TMIGD3: variants seen among roughly 807,000 people sequenced by gnomAD.
TMIGD3 encodes transmembrane and immunoglobulin domain containing 3.
TMIGD3 carries 21 observed loss-of-function variants against 28.1 expected under a neutral mutation model. That is an observed-to-expected ratio of 0.75 (90% CI 0.53 to 1.08). The LOEUF (loss-of-function observed/expected upper bound fraction) is 1.08, where lower values mean the gene tolerates loss of function less well. Among genes scored for constraint, TMIGD3 ranks in the 50% least tolerant of loss-of-function variants. The probability of loss-of-function intolerance (pLI) is 0.00; values close to 1 mark genes in which losing one functional copy is unlikely to be tolerated. For missense variants in TMIGD3, 416 were observed against 435.6 expected (o/e 0.96, Z 0.40); for synonymous variants, 151 against 162.1 (o/e 0.93, Z 0.52).
intron 1 of TMIGD3, among the ~76,000 whole-genome samples, chr1:111,529,822 C>T (rs1428927387): frequency 6.6e-6 from 1 of 152,096 alleles, no homozygotes; most frequent in Non-Finnish European, 1.5e-5. Context: ...CCCACCTTTC[C>T]CCCCTTTCTA....
At chr1:111,499,581 T>G (rs1005427736) in intron 1 of TMIGD3, 11 of 1,027,648 alleles carry the variant, frequency 1.1e-5, no homozygotes, top group Non-Finnish European at 1.3e-5. Flanking sequence ...GGTATGGAAA[T>G]GAGTCACCAC....
At chr1:111,527,182 T>C (rs930696817) in intron 1 of TMIGD3, among the ~76,000 whole-genome samples, 2 of 151,980 alleles carry the variant, frequency 1.3e-5, no homozygotes, top group African/African-American at 4.8e-5. Context: ...AGATAATTTT[T>C]TGTATTTTTA....
At chr1:111,548,312 C>T (rs1657115257) in intron 1 of TMIGD3, among the ~76,000 whole-genome samples, 1 of 152,192 alleles carries the variant, frequency 6.6e-6, no homozygotes, top group Non-Finnish European at 1.5e-5. Flanking sequence ...TGAGCCACTG[C>T]ACCTGGCATG....
intron 1 of TMIGD3, among the ~76,000 whole-genome samples, chr1:111,509,082 GA>G (rs1655606878): frequency 6.6e-6 from 1 of 152,200 alleles, no homozygotes; most frequent in African/African-American, 2.4e-5. Flanking sequence ...GCGACAGAGC[GA>G]GACTCCGTCT....
chr1:111,541,545 G>A (rs1656823519), intron 1 of TMIGD3, among the ~76,000 whole-genome samples: 1 of 152,178 alleles, frequency 6.6e-6, no homozygotes, highest in Non-Finnish European at 1.5e-5. Flanking sequence ...CGTCCAAGTG[G>A]TGACGCTTGG....
At chr1:111,524,786 C>T (rs1457646209) in intron 1 of TMIGD3, among the ~76,000 whole-genome samples, 2 of 151,900 alleles carry the variant, frequency 1.3e-5, no homozygotes, top group Non-Finnish European at 2.9e-5. Context: ...TACTCTACTA[C>T]CTTTTGTATT....
At chr1:111,543,244 G>A (rs1249882569) in intron 1 of TMIGD3, among the ~76,000 whole-genome samples, 1 of 151,944 alleles carries the variant, frequency 6.6e-6, no homozygotes, top group Non-Finnish European at 1.5e-5. Flanking sequence ...TGTGAACTCT[G>A]GTGTGTATGC....
At chr1:111,560,087 A>G (rs1360461262) in intron 1 of TMIGD3, among the ~76,000 whole-genome samples, 1 of 152,188 alleles carries the variant, frequency 6.6e-6, no homozygotes, top group African/African-American at 2.4e-5. Flanking sequence ...GTGTTAGGTA[A>G]TAGACTGAGC....
chr1:111,539,307 T>C (rs1656740629), intron 1 of TMIGD3, among the ~76,000 whole-genome samples: 1 of 152,140 alleles, frequency 6.6e-6, no homozygotes, highest in Non-Finnish European at 1.5e-5. Flanking sequence ...TTTCTTTCTT[T>C]CTTTTCTTTG....
At chr1:111,492,553 C>T (rs936530954) in intron 1 of TMIGD3, among the ~76,000 whole-genome samples, 4 of 151,952 alleles carry the variant, frequency 2.6e-5, no homozygotes, top group African/African-American at 9.7e-5. Flanking sequence ...CGGTGGCTCA[C>T]GCCTGTAATC....
At chr1:111,543,459 T>C (rs924295301) in intron 1 of TMIGD3, among the ~76,000 whole-genome samples, 5 of 152,164 alleles carry the variant, frequency 3.3e-5, no homozygotes, top group African/African-American at 7.2e-5. Context: ...AGAAACATAA[T>C]TGGGTCATAT....
chr1:111,490,900 T>C (rs1279081414), intron 1 of TMIGD3, 138 bp from the exon 2 acceptor site: 5 of 636,702 alleles, frequency 7.9e-6, no homozygotes, highest in African/African-American at 1.8e-5. Context: ...CCATACCACA[T>C]GCTCTTCATA....
At chr1:111,538,397 A>G (rs1656712485) in intron 1 of TMIGD3, among the ~76,000 whole-genome samples, 1 of 152,210 alleles carries the variant, frequency 6.6e-6, no homozygotes, top group South Asian at 2.1e-4. Flanking sequence ...CACTGTTTAG[A>G]AACACTACAC....
intron 1 of TMIGD3, among the ~76,000 whole-genome samples, chr1:111,525,988 A>G (rs867121069): frequency 1.1e-3 from 164 of 152,336 alleles, no homozygotes; most frequent in African/African-American, 3.8e-3. Flanking sequence ...TATTGATATC[A>G]TTGGATTTAA....
At chr1:111,542,422 A>G in intron 1 of TMIGD3, 1 of 234,768 alleles carries the variant, frequency 4.3e-6, no homozygotes, top group Non-Finnish European at 8.8e-6. Flanking sequence ...TATTTGGTGA[A>G]AAACTGGGCT....
At chr1:111,489,668 T>C in intron 2 of TMIGD3, 1 of 1,079,886 alleles carries the variant, frequency 9.3e-7, no homozygotes, top group Non-Finnish European at 1.2e-6. Flanking sequence ...AGGCTTACCG[T>C]TAGGAGGCCC....
intron 2 of TMIGD3, chr1:111,490,381 T>C (rs1017128054): frequency 2.3e-6 from 1 of 433,224 alleles, no homozygotes; most frequent in African/African-American, 2.0e-5. Flanking sequence ...TAATCTACTC[T>C]GTATCATTCT....
At chr1:111,511,595 C>T (rs1215214075) in intron 1 of TMIGD3, among the ~76,000 whole-genome samples, 1 of 152,104 alleles carries the variant, frequency 6.6e-6, no homozygotes, top group Non-Finnish European at 1.5e-5. Flanking sequence ...ATTTACATTA[C>T]AGTTGCTATT....
intron 1 of TMIGD3, among the ~76,000 whole-genome samples, chr1:111,551,355 C>G (rs367610469): frequency 6.6e-6 from 1 of 152,280 alleles, no homozygotes; most frequent in Non-Finnish European, 1.5e-5. Context: ...TAAATAGACA[C>G]TTTTCTAGGG....
Sources: gnomAD v4.1 joint callset for allele counts (sites outside exome capture counted in the v4.1 genomes callset) on GRCh38, gnomAD v4.1.1 for gene constraint, MANE v1.5 for transcripts, NCBI Gene and HGNC (gene_info 2026-07-23, HGNC 2026-07-21) for gene names.